Variants in IMMP2L observed in about 807,000 individuals in gnomAD.
The protein encoded by IMMP2L is inner mitochondrial membrane peptidase subunit 2.
Under a neutral mutation model 19.3 loss-of-function variants are expected in IMMP2L, and 18 were observed. That is an observed-to-expected ratio of 0.93 (90% CI 0.64 to 1.38). The LOEUF (loss-of-function observed/expected upper bound fraction) is 1.38, where lower values mean the gene tolerates loss of function less well. IMMP2L is among the 40% of genes most tolerant of loss of function. The probability of loss-of-function intolerance (pLI) is 0.00; values close to 1 mark genes in which losing one functional copy is unlikely to be tolerated. For synonymous variants in IMMP2L, 76 were observed against 73.0 expected, an observed-to-expected ratio of 1.04 and a Z score of -0.21; for missense variants, 233 against 218.2, an observed-to-expected ratio of 1.07 and a Z score of -0.43.
chr7:111,295,624 G>A (rs1180744901), intron 3 of IMMP2L, among the ~76,000 whole-genome samples: 1 of 151,844 alleles, frequency 6.6e-6, no homozygotes, highest in Non-Finnish European at 1.5e-5. Flanking sequence ...TTCATAAGAA[G>A]TCCAAATAAA....
chr7:111,509,353 T>C (rs1306781597), intron 2 of IMMP2L, among the ~76,000 whole-genome samples: 1 of 152,178 alleles, frequency 6.6e-6, no homozygotes, highest in Non-Finnish European at 1.5e-5. Context: ...GGACAGACTA[T>C]GGGGCTCCTT....
At chr7:111,493,270 G>C (rs1305524023) in intron 2 of IMMP2L, among the ~76,000 whole-genome samples, 2 of 151,954 alleles carry the variant, frequency 1.3e-5, no homozygotes, top group African/African-American at 4.8e-5. Flanking sequence ...AAACTATCTT[G>C]TTTATTTATT....
chr7:111,053,890 A>AT (rs1290367696), intron 3 of IMMP2L, among the ~76,000 whole-genome samples: 1 of 152,214 alleles, frequency 6.6e-6, no homozygotes, highest in Non-Finnish European at 1.5e-5. Flanking sequence ...CAAATTAAGC[A>AT]TTTTATATTT....
intron 5 of IMMP2L, among the ~76,000 whole-genome samples, chr7:110,846,210 C>T (rs765026752): frequency 5.9e-5 from 9 of 152,050 alleles, no homozygotes; most frequent in Non-Finnish European, 1.0e-4. Context: ...ATTTAACCCC[C>T]AAGAAAACCG....
rs888960739 is a variant in IMMP2L at position 111,403,257 on chromosome 7, C to G, written c.239+83981G>C. 1.3e-5 allele frequency among the ~76,000 whole-genome samples: 2 copies of G among 151,704 alleles called. 1 individual carries two copies. The highest frequency in any genetic ancestry group is 2.9e-5 in the Non-Finnish European group (2 of 67,916). On this transcript the variant is annotated intron_variant, in intron 3 of 5. Transcript: ENST00000405709. ...TTTAAAATTGTTTAATAGGTCCTCC[C>G]CCCTCACTCTCTCTCTCTCTCTCCT...
intron 3 of IMMP2L, among the ~76,000 whole-genome samples, chr7:111,342,566 T>TG (rs1395560232): frequency 1.2e-3 from 190 of 152,048 alleles, no homozygotes; most frequent in African/African-American, 3.7e-3. Flanking sequence ...CACTCCAGTC[T>TG]GGCGACAGAG....
At chr7:110,955,881 C>T (rs1818305835) in intron 4 of IMMP2L, among the ~76,000 whole-genome samples, 1 of 151,440 alleles carries the variant, frequency 6.6e-6, no homozygotes, top group Admixed American at 6.6e-5. Context: ...AAGAAGAGAG[C>T]CATATGGATA....
intron 1 of IMMP2L, among the ~76,000 whole-genome samples, chr7:111,552,732 G>A (rs1394115068): frequency 1.3e-5 from 2 of 152,108 alleles, no homozygotes; most frequent in African/African-American, 4.8e-5. Flanking sequence ...AATGATCCTT[G>A]CCTCATGTCC....
chr7:111,026,287 G>T (rs1182702049), intron 3 of IMMP2L, among the ~76,000 whole-genome samples: 1 of 152,100 alleles, frequency 6.6e-6, no homozygotes, highest in African/African-American at 2.4e-5. Flanking sequence ...CAAGTAGTTA[G>T]AAGTTAATGA....
intron 5 of IMMP2L, among the ~76,000 whole-genome samples, chr7:110,689,146 A>T (rs1252264678): frequency 1.3e-5 from 2 of 152,166 alleles, no homozygotes; most frequent in Non-Finnish European, 2.9e-5. Flanking sequence ...CTGTGGTTCA[A>T]ACAGGCCTCC....
At chr7:110,796,866 T>G (rs772493795) in intron 5 of IMMP2L, among the ~76,000 whole-genome samples, 10 of 152,064 alleles carry the variant, frequency 6.6e-5, no homozygotes, top group Non-Finnish European at 1.2e-4. Flanking sequence ...ACATTTACAA[T>G]GCATACAAAG....
At chr7:111,216,350 C>T (rs1374710069) in intron 3 of IMMP2L, among the ~76,000 whole-genome samples, 1 of 152,164 alleles carries the variant, frequency 6.6e-6, no homozygotes, top group East Asian at 1.9e-4. Context: ...GTTCAAGATA[C>T]ATTCCACATC....
chr7:110,968,414 T>G (rs1416339097), intron 3 of IMMP2L, among the ~76,000 whole-genome samples: 1 of 152,118 alleles, frequency 6.6e-6, no homozygotes, highest in African/African-American at 2.4e-5. Context: ...GGCACATGCC[T>G]GTAATCCCAG....
At position 111,099,780 on chromosome 7, in the gene IMMP2L, A is replaced by C. The variant is rs529359812; in HGVS notation, c.240-136215T>G. 3.3e-5 allele frequency: 5 copies of C among 151,868 alleles called. No individual in the cohort carries two copies. The South Asian group carries it at 1.0e-3, about 31-fold the overall frequency. 9.4% of individuals were successfully genotyped at this position (151,868 alleles called of 1,614,324 possible). ...GGTGATAAAAGGTTAAAGTATTGTG[A>C]ATCATGAATAACCTAACATGTAAGA... On this transcript the variant is annotated intron_variant, in intron 3 of 5. Transcript: ENST00000405709.
intron 3 of IMMP2L, among the ~76,000 whole-genome samples, chr7:111,285,580 T>C (rs556609941): frequency 2.6e-5 from 4 of 152,288 alleles, no homozygotes; most frequent in East Asian, 3.9e-4. Context: ...TAAATGCTCA[T>C]GCAATTCAAT....
At chr7:111,337,451 AGGAT>A (rs140122085) in intron 3 of IMMP2L, among the ~76,000 whole-genome samples, 56,455 of 148,672 alleles carry the variant, frequency 0.38, 11,147 homozygotes, top group South Asian at 0.55. Flanking sequence ...TTTGGATGGA[AGGAT>A]GGATGGATGG....
chr7:111,087,321 C>T (rs371408637), intron 3 of IMMP2L, among the ~76,000 whole-genome samples: 49 of 151,934 alleles, frequency 3.2e-4, no homozygotes, highest in East Asian at 5.8e-4. Flanking sequence ...TGGTGGCACG[C>T]GCCTATAGTC....
chr7:110,968,242 A>G (rs1819767969), intron 3 of IMMP2L, among the ~76,000 whole-genome samples: 1 of 151,920 alleles, frequency 6.6e-6, no homozygotes, highest in South Asian at 2.1e-4. Flanking sequence ...GCTTACAGGA[A>G]TATTTTGTTT....
At chr7:111,018,830 TTATTATTAC>T (rs1273237602) in intron 3 of IMMP2L, among the ~76,000 whole-genome samples, 25 of 121,076 alleles carry the variant, frequency 2.1e-4, no homozygotes, top group African/African-American at 6.9e-4. Flanking sequence ...ATTATTATTA[TTATTATTAC>T]AAGCATCAGT....
Sources: gnomAD v4.1 joint callset for allele counts (sites outside exome capture counted in the v4.1 genomes callset) on GRCh38, gnomAD v4.1.1 for gene constraint, MANE v1.5 for transcripts, NCBI Gene and HGNC (gene_info 2026-07-23, HGNC 2026-07-21) for gene names.